The following FSD1L variants were observed in gnomAD, a reference collection of about 807,000 sequenced individuals.
FSD1L encodes FSD1-like protein.
Under a neutral mutation model 71.6 loss-of-function variants are expected in FSD1L, and 45 were observed. The ratio of observed to expected loss-of-function variants is 0.63; its 90% confidence interval spans 0.49 to 0.81. FSD1L has a LOEUF of 0.81. Ranked by LOEUF, FSD1L falls within the 30% of genes least tolerant of loss-of-function variation. The probability of loss-of-function intolerance (pLI) is 0.00; values close to 1 mark genes in which losing one functional copy is unlikely to be tolerated. For missense variants in FSD1L, 561 were observed against 618.1 expected (o/e 0.91, Z 0.98); for synonymous variants, 197 against 207.2 (o/e 0.95, Z 0.42).
intron 10 of FSD1L, chr9:105,525,681 A>G: frequency 6.2e-7 from 1 of 1,608,732 alleles, no homozygotes; most frequent in Non-Finnish European, 8.5e-7. Context: ...ACAAGATTGC[A>G]GTATTTTATG....
intron 7 of FSD1L, among the ~76,000 whole-genome samples, chr9:105,484,917 C>CTCTAAAATATTTA (rs1195758023): frequency 2.0e-5 from 3 of 151,932 alleles, no homozygotes; most frequent in Non-Finnish European, 2.9e-5. Flanking sequence ...AAATTGATAC[C>CTCTAAAATATTTA]TCTAAAATAT....
At chr9:105,521,987 T>C in intron 10 of FSD1L, 1 of 1,613,236 alleles carries the variant, frequency 6.2e-7, no homozygotes, top group East Asian at 2.2e-5. Context: ...ACAAAAAGAC[T>C]TGGGAACACA....
At chr9:105,512,193 T>A (rs1395672772) in intron 9 of FSD1L, among the ~76,000 whole-genome samples, 5 of 147,266 alleles carry the variant, frequency 3.4e-5, no homozygotes, top group Non-Finnish European at 7.5e-5. Flanking sequence ...AATCTGGAAG[T>A]CATAGTTTTA....
chr9:105,463,165 T>C (rs773251940), intron 2 of FSD1L, among the ~76,000 whole-genome samples: 1 of 133,936 alleles, frequency 7.5e-6, no homozygotes, highest in Admixed American at 7.5e-5. Context: ...AAAAAAAAAA[T>C]GTTATCTCCC....
chr9:105,463,539 T>C (rs1245577022), intron 2 of FSD1L, among the ~76,000 whole-genome samples: 1 of 152,226 alleles, frequency 6.6e-6, no homozygotes, highest in East Asian at 1.9e-4. Context: ...TTTCAAGACT[T>C]CTTTAACTGT....
At chr9:105,521,636 C>T (rs904583785) in intron 10 of FSD1L, 22 of 1,613,080 alleles carry the variant, frequency 1.4e-5, no homozygotes, top group East Asian at 4.5e-5. Flanking sequence ...CTTCTTCAGA[C>T]CTCCCTTGCA....
At chr9:105,524,609 C>T (rs1396522267) in intron 10 of FSD1L, 5 of 1,613,866 alleles carry the variant, frequency 3.1e-6, no homozygotes, top group Non-Finnish European at 4.2e-6. Flanking sequence ...TTCCCATGAG[C>T]CTCTCTGATT....
At chr9:105,506,993 C>T (rs1199719067) in intron 8 of FSD1L, among the ~76,000 whole-genome samples, 1 of 151,982 alleles carries the variant, frequency 6.6e-6, no homozygotes, top group Non-Finnish European at 1.5e-5. Flanking sequence ...GGCTGGAAAC[C>T]TTTGTCTTTA....
chr9:105,549,007 T>C lies in FSD1L; in HGVS notation c.*2524T>C, dbSNP rs1837158295. The C allele has an allele frequency of 6.6e-6, 1 of 152,090 alleles. No homozygotes were observed. Among genetic ancestry groups the C allele is most frequent in the African/African-American group, 2.4e-5 (1 of 41,446 alleles). 9.4% of individuals were successfully genotyped at this position (152,090 alleles called of 1,614,324 possible). A position where few individuals can be genotyped will look rare whatever the true frequency, so the allele number is the denominator to read the frequency against. On this transcript the variant is annotated 3_prime_UTR_variant, in exon 14 of 14. Coordinates refer to ENST00000481272, the MANE Select transcript of FSD1L (RefSeq NM_001145313.3). ...AATAAGGTAACTATTAACTTGATTA[T>C]ACTATATAATATTCTCAATTACATT...
intron 1 of FSD1L, among the ~76,000 whole-genome samples, chr9:105,454,340 G>A (rs10991659): frequency 0.12 from 18,690 of 152,036 alleles, 1,510 homozygotes; most frequent in East Asian, 0.46. Context: ...ATGTTTTACA[G>A]TACCCTTTTG....
chr9:105,475,230 T>G (rs1053832574), intron 5 of FSD1L, among the ~76,000 whole-genome samples: 5 of 152,172 alleles, frequency 3.3e-5, no homozygotes, highest in Non-Finnish European at 7.4e-5. Flanking sequence ...ATGCCACACA[T>G]GCTCCGGTTG....
chr9:105,480,373 A>G (rs528739630), intron 6 of FSD1L, among the ~76,000 whole-genome samples: 1 of 151,512 alleles, frequency 6.6e-6, no homozygotes, highest in Non-Finnish European at 1.5e-5. Flanking sequence ...TCACACTGCA[A>G]CCTCTGCCTC....
At chr9:105,448,031 G>GC, upstream of FSD1L, 1 of 632,984 alleles carries the variant, frequency 1.6e-6, no homozygotes, top group Non-Finnish European at 2.8e-6. Flanking sequence ...TCTGCGGGCC[G>GC]CCCTTTCACC....
At chr9:105,444,819 T>C (rs1294663264), upstream of FSD1L, among the ~76,000 whole-genome samples, 2 of 152,166 alleles carry the variant, frequency 1.3e-5, no homozygotes, top group East Asian at 3.9e-4. Context: ...TTCTCGCAGT[T>C]CAATGGCTCT....
intron 1 of FSD1L, among the ~76,000 whole-genome samples, chr9:105,455,404 A>G (rs540381762): frequency 1.8e-4 from 28 of 152,334 alleles, no homozygotes; most frequent in African/African-American, 6.7e-4. Context: ...GGGGTTCAGC[A>G]TGAAGTCACC....
In FSD1L at chr9:105,525,404, G is replaced by A. The variant is rs112300232; in HGVS notation, c.1026-9089G>A. On this transcript the variant is annotated intron_variant, in intron 10 of 13. Transcript: ENST00000481272. ...GTGTGCATTTCTGAAAAACAAGAAA[G>A]TGATGTTATTAATGCTATCCTTAAG... is the stretch of plus-strand genomic sequence containing the variant. 1.6e-3 allele frequency: 2,523 copies of A among 1,605,876 alleles called. 43 individuals carry two copies. In the African/African-American group the frequency reaches 0.031, roughly 20 times the overall value.
At chr9:105,511,299 A>G (rs1175715914) in intron 9 of FSD1L, among the ~76,000 whole-genome samples, 1 of 151,970 alleles carries the variant, frequency 6.6e-6, no homozygotes, top group Non-Finnish European at 1.5e-5. Flanking sequence ...TTAAAAAAAC[A>G]GCCTTAGGAT....
intron 13 of FSD1L, among the ~76,000 whole-genome samples, 169 bp from the exon 14 acceptor site, chr9:105,546,189 A>T (rs1341895667): frequency 1.3e-5 from 2 of 151,670 alleles, no homozygotes; most frequent in Non-Finnish European, 2.9e-5. Flanking sequence ...GTTCTAAAAT[A>T]ATTCTGATTT....
At chr9:105,525,933 C>T (rs559571906) in intron 10 of FSD1L, 3 of 1,564,892 alleles carry the variant, frequency 1.9e-6, no homozygotes, top group Non-Finnish European at 2.6e-6. Flanking sequence ...ATTCTTTGAC[C>T]AAAAAATTGA....
Sources: allele counts gnomAD v4.1 joint callset (sites outside exome capture counted in the v4.1 genomes callset), GRCh38; gene constraint gnomAD v4.1.1; transcripts MANE v1.5; gene names NCBI Gene and HGNC (gene_info 2026-07-23, HGNC 2026-07-21).